The following CD80 variants were observed in gnomAD, a reference collection of about 807,000 sequenced individuals.
CD80 encodes T-lymphocyte activation antigen CD80.
CD80 carries 13 observed loss-of-function variants against 27.1 expected under a neutral mutation model. The ratio of observed to expected loss-of-function variants is 0.48; its 90% confidence interval spans 0.31 to 0.76. CD80 has a LOEUF of 0.76. Ranked by LOEUF, CD80 falls within the 30% of genes least tolerant of loss-of-function variation. The pLI, the probability that CD80 is intolerant of heterozygous loss-of-function variation, is 0.04. For missense variants in CD80, 277 were observed against 347.9 expected, an observed-to-expected ratio of 0.80 and a Z score of 1.62; for synonymous variants, 125 against 125.5, an observed-to-expected ratio of 1.00 and a Z score of 0.03.
intron 4 of CD80, among the ~76,000 whole-genome samples, chr3:119,534,165 T>A (rs536382095): frequency 6.6e-6 from 1 of 151,428 alleles, no homozygotes; most frequent in South Asian, 2.1e-4. Flanking sequence ...AGATCAGGAG[T>A]TCGAGACCAG....
intron 2 of CD80, among the ~76,000 whole-genome samples, chr3:119,550,256 G>A (rs765381173): frequency 3.9e-5 from 6 of 152,090 alleles, no homozygotes; most frequent in East Asian, 1.9e-4. Context: ...TTTCCCCACC[G>A]AACTATTCAT....
intron 2 of CD80, among the ~76,000 whole-genome samples, chr3:119,552,695 A>G (rs2082240457): frequency 6.6e-6 from 1 of 152,104 alleles, no homozygotes; most frequent in Non-Finnish European, 1.5e-5. Flanking sequence ...ATAGATCTCA[A>G]TCTACAACAG....
intron 3 of CD80, among the ~76,000 whole-genome samples, chr3:119,543,310 T>C (rs2082180702): frequency 6.6e-6 from 1 of 152,220 alleles, no homozygotes; most frequent in African/African-American, 2.4e-5. Flanking sequence ...ATGCTTGCCT[T>C]CCACAGTAGG....
intron 3 of CD80, among the ~76,000 whole-genome samples, chr3:119,539,911 C>T (rs1175218881): frequency 6.6e-6 from 1 of 152,156 alleles, no homozygotes; most frequent in Non-Finnish European, 1.5e-5. Flanking sequence ...CACTAATACC[C>T]AGGGTTGTAA....
At chr3:119,540,247 C>T (rs772761410) in intron 3 of CD80, among the ~76,000 whole-genome samples, 16 of 152,238 alleles carry the variant, frequency 1.1e-4, no homozygotes, top group African/African-American at 2.7e-4. Context: ...CCACACCCAG[C>T]CAATGATAGC....
At chr3:119,529,613 A>G (rs1006641102) in intron 5 of CD80, among the ~76,000 whole-genome samples, 3 of 152,344 alleles carry the variant, frequency 2.0e-5, no homozygotes, top group African/African-American at 4.8e-5. Flanking sequence ...ACTTCTTGTC[A>G]TTGTAATTCC....
chr3:119,550,749 G>A (rs2082226856), intron 2 of CD80, among the ~76,000 whole-genome samples: 2 of 152,086 alleles, frequency 1.3e-5, no homozygotes, highest in Admixed American at 6.5e-5. Flanking sequence ...CCAACCCAGT[G>A]GGTGCAAGGA....
At chr3:119,557,200 AAAG>A (rs973218067) in intron 2 of CD80, among the ~76,000 whole-genome samples, 12 of 152,186 alleles carry the variant, frequency 7.9e-5, no homozygotes, top group Non-Finnish European at 1.5e-4. Context: ...TTCAGATTGG[AAAG>A]AAGATCACCA....
intron 5 of CD80, among the ~76,000 whole-genome samples, 160 bp downstream of exon 5, chr3:119,529,682 C>G (rs1322569032): frequency 1.3e-5 from 2 of 152,132 alleles, no homozygotes; most frequent in African/African-American, 2.4e-5. Context: ...AGTGAATGAA[C>G]AGAACTTGTT....
chr3:119,549,587 T>C (rs1454714607), intron 2 of CD80, among the ~76,000 whole-genome samples: 1 of 152,134 alleles, frequency 6.6e-6, no homozygotes, highest in Non-Finnish European at 1.5e-5. Flanking sequence ...GATAGCAGGA[T>C]CATGGGGCAC....
rs201388389 is a variant in CD80, at chr3:119,537,153, G to A, written c.684C>T (p.Thr228=). 6.2e-7 allele frequency: 1 copy of A among 1,612,970 alleles called. No individual in the cohort carries two copies. Among genetic ancestry groups the A allele is most frequent in the Non-Finnish European group, 8.5e-7 (1 of 1,178,990 alleles). ...IKYGHLRVNQ[T]FNWNTTKQEH... ...GTCACTTACTTGTATTCCAGTTGAAGGTCTGATTCACTCTTAAATGTCCAT... is the reference window on the plus strand; with the variant it reads ...GTCACTTACTTGTATTCCAGTTGAAAGTCTGATTCACTCTTAAATGTCCAT... Residue 228 remains threonine (T), a synonymous_variant, in exon 4 of 7, where the codon ACC becomes ACT. Transcript: ENST00000264246.
chr3:119,539,344 A>G (rs2082155359), intron 3 of CD80, among the ~76,000 whole-genome samples: 1 of 152,094 alleles, frequency 6.6e-6, no homozygotes, highest in South Asian at 2.1e-4. Context: ...AAGCTATGCT[A>G]GCTTTCAAAC....
intron 2 of CD80, among the ~76,000 whole-genome samples, chr3:119,546,089 T>A (rs1409611335): frequency 1.3e-5 from 2 of 152,236 alleles, no homozygotes; most frequent in Non-Finnish European, 2.9e-5. Flanking sequence ...CATTATAACA[T>A]AACCTATCCC....
chr3:119,530,353 T>G (rs1040261717), intron 4 of CD80, among the ~76,000 whole-genome samples: 15 of 152,138 alleles, frequency 9.9e-5, no homozygotes, highest in African/African-American at 3.6e-4. Context: ...CCTACCATAT[T>G]CTCTCTCAAC....
rs749632025 is a variant in CD80 at position 119,557,671 on chromosome 3, A to C, written c.58T>G (p.Phe20Val). 6.2e-7 allele frequency: 1 copy of C among 1,613,930 alleles called. No homozygotes were observed. Among genetic ancestry groups the C allele is most frequent in the South Asian group, 1.1e-5 (1 of 90,984 alleles). The change falls in exon 2 of 7, where the codon TTT (phenylalanine) becomes GTT (valine). Residue 20 changes from phenylalanine to valine, a missense_variant. Coordinates refer to ENST00000264246, the MANE Select transcript of CD80 (RefSeq NM_005191.4). ...SPSKCPYLNF[F>V]QLLVLAGLSH... The stretch of plus-strand genomic sequence containing the variant: ...AGACCAGCCAGCACCAAGAGCTGAA[A>C]GAAATTGAGGTATGGACACTTGGAT...
At chr3:119,552,615 T>G (rs1464170544) in intron 2 of CD80, among the ~76,000 whole-genome samples, 3 of 151,632 alleles carry the variant, frequency 2.0e-5, no homozygotes, top group Non-Finnish European at 4.4e-5. Flanking sequence ...GCGGGTGGAT[T>G]GCTTGAGCCC....
At chr3:119,542,390 C>A (rs546574123) in intron 3 of CD80, among the ~76,000 whole-genome samples, 42 of 152,164 alleles carry the variant, frequency 2.8e-4, no homozygotes, top group Middle Eastern at 6.8e-3. Flanking sequence ...GAATTCACTA[C>A]GGATCTGCTG....
At chr3:119,543,243 G>A (rs531847257) in intron 3 of CD80, among the ~76,000 whole-genome samples, 20 of 152,326 alleles carry the variant, frequency 1.3e-4, no homozygotes, top group African/African-American at 4.3e-4. Flanking sequence ...CGCAGCAGGC[G>A]AGGTAAACCT....
In CD80 at chr3:119,533,553, T is replaced by A. The variant is rs1577107735; in HGVS notation, c.700+3584A>T. Among the ~76,000 whole-genome samples the A allele has an allele frequency of 1.3e-5, 2 of 151,646 alleles. 1 individual carries two copies. The highest frequency in any genetic ancestry group is 4.2e-4 in the South Asian group (2 of 4,784). ...GAGGTGACTGAATTATGGGGGCGAGTCTTTCCTGCACTGTCCTTGTGATAG... is the reference window on the plus strand; with the variant it reads ...GAGGTGACTGAATTATGGGGGCGAGACTTTCCTGCACTGTCCTTGTGATAG... On this transcript the variant is annotated intron_variant, in intron 4 of 6. Coordinates refer to ENST00000264246, the MANE Select transcript of CD80 (RefSeq NM_005191.4).
Sources: gnomAD v4.1 joint callset for allele counts (sites outside exome capture counted in the v4.1 genomes callset) on GRCh38, gnomAD v4.1.1 for gene constraint, MANE v1.5 for transcripts, NCBI Gene and HGNC (gene_info 2026-07-23, HGNC 2026-07-21) for gene names.